PRKN: variants seen among roughly 807,000 people sequenced by gnomAD.
The protein encoded by PRKN is parkin RBR E3 ubiquitin protein ligase.
In PRKN, 56 loss-of-function variants were observed where a neutral mutation model predicts 59.5. The ratio of observed to expected loss-of-function variants is 0.94; its 90% CI spans 0.76 to 1.18. The LOEUF (loss-of-function observed/expected upper bound fraction) is 1.18, where lower values mean the gene tolerates loss of function less well. Ranked by LOEUF, PRKN falls within the 50% of genes most tolerant of loss-of-function variation. The probability of loss-of-function intolerance (pLI) is 0.00; values close to 1 mark genes in which losing one functional copy is unlikely to be tolerated. For synonymous variants in PRKN, 250 were observed against 222.1 expected (o/e 1.13, Z -1.12); for missense variants, 657 against 596.4 (o/e 1.10, Z -1.06).
rs1266380388 is a variant in PRKN at position 161,376,745 on chromosome 6, C to T, written c.1167+10049G>A. ...GCTCCCCTCAGTCTTCTGTGGCAAC[C>T]GCACTGCAGTGGGACTCCACCTCTG... On this transcript the variant is annotated intron_variant, in intron 10 of 11. Coordinates refer to ENST00000366898, the MANE Select transcript of PRKN (RefSeq NM_004562.3). This position sits in a 1 kb window ranked among gnomAD's most constrained non-coding sequence, Gnocchi z 7.3. Among the ~76,000 whole-genome samples the T allele has an allele frequency of 2.6e-5, 4 of 152,216 alleles. No individual in the cohort carries two copies. Among genetic ancestry groups the T allele is most frequent in the Non-Finnish European group, 5.9e-5 (4 of 68,042 alleles).
chr6:161,996,983 T>C (rs934047512), intron 5 of PRKN, among the ~76,000 whole-genome samples: 2 of 152,052 alleles, frequency 1.3e-5, no homozygotes. Context: ...ACAACTGAAA[T>C]GACCCATAAA....
At chr6:162,487,182 C>G (rs977007244) in intron 1 of PRKN, among the ~76,000 whole-genome samples, 1 of 152,190 alleles carries the variant, frequency 6.6e-6, no homozygotes, top group Non-Finnish European at 1.5e-5. Context: ...ATGAACTCTA[C>G]CTCCTTGACC....
intron 6 of PRKN, among the ~76,000 whole-genome samples, chr6:161,818,328 T>A (rs1349622820): frequency 1.9e-5 from 1 of 52,120 alleles, no homozygotes; most frequent in African/African-American, 5.3e-5. Flanking sequence ...TCACTTGTTT[T>A]AATTTTTTTT....
At chr6:162,016,713 G>A (rs1369239431) in intron 5 of PRKN, among the ~76,000 whole-genome samples, 1 of 152,108 alleles carries the variant, frequency 6.6e-6, no homozygotes, top group African/African-American at 2.4e-5. Context: ...GAGCCTGAAG[G>A]TTGTCTTCGG....
chr6:161,924,329 T>C (rs1778890091), intron 6 of PRKN, among the ~76,000 whole-genome samples: 1 of 152,208 alleles, frequency 6.6e-6, no homozygotes, highest in Admixed American at 6.5e-5. Flanking sequence ...GCCCAGACTG[T>C]GTGCTTAGGT....
chr6:162,335,435 A>T (rs1346964733), intron 2 of PRKN, among the ~76,000 whole-genome samples: 1 of 152,036 alleles, frequency 6.6e-6, no homozygotes, highest in Non-Finnish European at 1.5e-5. Context: ...AAACCAAAAC[A>T]CTCATGGGTT....
At chr6:161,420,613 G>A (rs1047485722) in intron 9 of PRKN, among the ~76,000 whole-genome samples, 10 of 151,944 alleles carry the variant, frequency 6.6e-5, no homozygotes, top group East Asian at 1.9e-4. Context: ...TTCTGGGCTC[G>A]GTGATCCTCC....
intron 2 of PRKN, among the ~76,000 whole-genome samples, chr6:162,267,837 A>G (rs879381607): frequency 5.9e-5 from 9 of 152,146 alleles, no homozygotes; most frequent in Admixed American, 1.3e-4. Flanking sequence ...ATCAACTCTC[A>G]TCTGGTTGGA....
At chr6:162,686,485 A>G (rs183675304) in intron 1 of PRKN, among the ~76,000 whole-genome samples, 1 of 152,188 alleles carries the variant, frequency 6.6e-6, no homozygotes, top group Non-Finnish European at 1.5e-5. Flanking sequence ...CAAGGTAGGA[A>G]AACCCATTTG....
At chr6:161,535,368 G>T (rs953060021) in intron 9 of PRKN, among the ~76,000 whole-genome samples, 1 of 151,342 alleles carries the variant, frequency 6.6e-6, no homozygotes, top group Non-Finnish European at 1.5e-5. Context: ...AAATAAAAAA[G>T]AAGTAGTTTC....
chr6:162,521,769 G>A (rs1170693372), intron 1 of PRKN, among the ~76,000 whole-genome samples: 3 of 152,044 alleles, frequency 2.0e-5, no homozygotes, highest in African/African-American at 7.2e-5. Flanking sequence ...TAAGGAATAT[G>A]GTTTAAGCAC....
intron 6 of PRKN, among the ~76,000 whole-genome samples, chr6:161,855,245 T>TA (rs1383885524): frequency 6.6e-6 from 1 of 152,140 alleles, no homozygotes; most frequent in African/African-American, 2.4e-5. Flanking sequence ...TGGGCACTGA[T>TA]ATTTGTAAGA....
intron 1 of PRKN, among the ~76,000 whole-genome samples, chr6:162,518,127 AAAC>A (rs1454137663): frequency 1.3e-5 from 2 of 152,184 alleles, no homozygotes; most frequent in East Asian, 1.9e-4. Context: ...TGAGAAGATA[AAAC>A]AACACATTTA....
intron 1 of PRKN, among the ~76,000 whole-genome samples, chr6:162,454,375 C>T (rs1027996809): frequency 6.6e-6 from 1 of 152,180 alleles, no homozygotes; most frequent in Non-Finnish European, 1.5e-5. Flanking sequence ...GTGATATCTT[C>T]TGTTTAAATA....
intron 2 of PRKN, among the ~76,000 whole-genome samples, chr6:162,320,605 T>A (rs558281659): frequency 6.6e-6 from 1 of 151,810 alleles, no homozygotes; most frequent in South Asian, 2.1e-4. Flanking sequence ...TTTCAAGAAT[T>A]GGCCAGGATA....
chr6:162,322,272 T>C (rs938152292), intron 2 of PRKN, among the ~76,000 whole-genome samples: 1 of 152,026 alleles, frequency 6.6e-6, no homozygotes, highest in African/African-American at 2.4e-5. Context: ...CTGAAAAGTA[T>C]AAAACATTGC....
At chr6:161,886,690 T>C (rs1057384348) in intron 6 of PRKN, among the ~76,000 whole-genome samples, 3 of 124,426 alleles carry the variant, frequency 2.4e-5, no homozygotes, top group African/African-American at 1.1e-4. Flanking sequence ...AGAGCGAAAC[T>C]TGTTCTCAAA....
At chr6:162,568,136 TAGAAAACCTCAAACTATGAAATTACTTCA>T (rs1196244581) in intron 1 of PRKN, among the ~76,000 whole-genome samples, 1 of 152,122 alleles carries the variant, frequency 6.6e-6, no homozygotes, top group South Asian at 2.1e-4. Context: ...AAAAATTAAA[TAGAAAACCTCAAACTATGAAATTACTTCA>T]AGAAAACATT....
At chr6:162,666,831 CAAGT>C (rs149202174) in intron 1 of PRKN, among the ~76,000 whole-genome samples, 2,261 of 152,086 alleles carry the variant, frequency 0.015, 59 homozygotes, top group African/African-American at 0.052. Context: ...TAAAATTTAA[CAAGT>C]AAGAGCTTAT....
Sources: gnomAD v4.1 joint callset for allele counts (sites outside exome capture counted in the v4.1 genomes callset) on GRCh38, gnomAD v4.1.1 for gene constraint, Gnocchi (gnomAD v3.1) non-coding constraint, MANE v1.5 for transcripts, NCBI Gene and HGNC (gene_info 2026-07-23, HGNC 2026-07-21) for gene names.